The following NAA16 variants were observed in gnomAD, a reference collection of about 807,000 sequenced individuals.
NAA16 encodes NARG1-like protein.
A neutral mutation model predicts 110.3 loss-of-function variants in NAA16; 97 were observed. That is an observed-to-expected ratio of 0.88 (90% CI 0.75 to 1.04). NAA16 has a LOEUF of 1.04. NAA16 is among the 50% of genes least tolerant of loss of function. The pLI is 0.00. For missense variants in NAA16, 1,017 were observed against 1,005.1 expected, an observed-to-expected ratio of 1.01 and a Z score of -0.16; for synonymous variants, 372 against 330.6, an observed-to-expected ratio of 1.13 and a Z score of -1.36.
chr13:41,325,115 G>T (rs572050343), intron 5 of NAA16, among the ~76,000 whole-genome samples: 1 of 151,760 alleles, frequency 6.6e-6, no homozygotes, highest in Non-Finnish European at 1.5e-5. Context: ...GTGCCACCAC[G>T]CCAGGCTAAT....
intron 14 of NAA16, among the ~76,000 whole-genome samples, 170 bp downstream of exon 14, chr13:41,367,822 G>T (rs1396354685): frequency 6.6e-6 from 1 of 152,184 alleles, no homozygotes; most frequent in Non-Finnish European, 1.5e-5. Flanking sequence ...GTTAAAAAAA[G>T]TGGGATGATA....
intron 9 of NAA16, among the ~76,000 whole-genome samples, chr13:41,353,768 TACACACACACACAC>T (rs58020530): frequency 9.5e-5 from 14 of 146,744 alleles, no homozygotes; most frequent in Admixed American, 4.8e-4. Flanking sequence ...CCCTGTCTCT[TACACACACACACAC>T]ACACACACAC....
chr13:41,373,680 A>G lies in NAA16; in HGVS notation c.2199A>G (p.Leu733=), dbSNP rs369131555. 150 of 1,610,966 alleles carry G rather than the reference A, an allele frequency of 9.3e-5. No individual in the cohort carries two copies. The highest frequency in any genetic ancestry group is 1.2e-4 in the Non-Finnish European group (139 of 1,178,946). Residue 733 remains leucine (L), a synonymous_variant, in exon 18 of 20, where the codon CTA becomes CTG. Transcript: ENST00000379406. The stretch of plus-strand genomic sequence containing the variant: ...TTCCAGACATTGTGAGCAAAGTTCT[A>G]TCTCAAGAAATGCAGAAAATATTTG... The part of the protein sequence containing the change: ...SNLPDIVSKV[L]SQEMQKIFVK...
chr13:41,318,862 T>G lies in NAA16; in HGVS notation c.196T>G (p.Tyr66Asp). 1.2e-6 allele frequency: 2 copies of G among 1,605,250 alleles called. No homozygotes were observed. Among genetic ancestry groups the G allele is most frequent in the Non-Finnish European group, 8.5e-7 (1 of 1,175,936 alleles). Residue 66 changes from tyrosine to aspartate, a missense_variant, in exon 3 of 20, where the codon TAT becomes GAT. Transcript: ENST00000379406. ...LNCLGKKEEA[Y>D]EFVRKGLRND... The stretch of plus-strand genomic sequence containing the variant: ...CTGTTTAGGAAAAAAAGAAGAAGCT[T>G]ATGAGTTTGTTCGTAAAGGACTTCG...
Position 41,375,466 on chromosome 13 carries a change from A to G in NAA16, c.2459A>G (p.Tyr820Cys). ...AGCTTTGGGAACTGTAGTTCCCAAT[A>G]TGAAGAATATAGGATGGCCTGTCAT... Reference protein sequence around the residue: ...DGSFGNCSSQYEEYRMACHNL... With the variant: ...DGSFGNCSSQCEEYRMACHNL... Residue 820 changes from tyrosine (Y) to cysteine (C), a missense_variant, in exon 20 of 20, where the codon TAT becomes TGT. Physicochemically the swap from Tyr to Cys is radical, Grantham distance 194 (BLOSUM62 -2). Transcript: ENST00000379406. The G allele has an allele frequency of 1.9e-6, 3 of 1,613,976 alleles. No homozygotes were observed. The highest frequency in any genetic ancestry group is 2.5e-6 in the Non-Finnish European group (3 of 1,179,854).
chr13:41,363,484 C>G (rs978596015), intron 13 of NAA16, among the ~76,000 whole-genome samples: 2 of 152,126 alleles, frequency 1.3e-5, no homozygotes, highest in Admixed American at 6.5e-5. Context: ...TTTCTTCTAA[C>G]ATTGATGACT....
intron 1 of NAA16, among the ~76,000 whole-genome samples, chr13:41,312,485 C>T (rs1055210786): frequency 1.3e-5 from 2 of 149,746 alleles, no homozygotes; most frequent in African/African-American, 2.4e-5. Flanking sequence ...TCCTCAGTAT[C>T]CTCTGGCTAC....
At chr13:41,354,053 A>C (rs964065838) in intron 9 of NAA16, among the ~76,000 whole-genome samples, 3 of 152,122 alleles carry the variant, frequency 2.0e-5, no homozygotes, top group African/African-American at 7.2e-5. Context: ...AGTATGTGTA[A>C]ATTTTTTTCA....
intron 4 of NAA16, 116 bp downstream of exon 4, chr13:41,320,940 A>C: frequency 1.1e-6 from 1 of 894,098 alleles, no homozygotes; most frequent in Non-Finnish European, 1.6e-6. Context: ...TGTTCATTAG[A>C]AGGTGTATGT....
intron 2 of NAA16, among the ~76,000 whole-genome samples, chr13:41,317,967 GTTAA>G (rs1247860519): frequency 2.6e-5 from 4 of 152,210 alleles, no homozygotes; most frequent in African/African-American, 9.6e-5. Context: ...GTGAACTGAT[GTTAA>G]TTAGCCTAAG....
chr13:41,355,130 T>G lies in NAA16; in HGVS notation c.1015-14T>G. The G allele has an allele frequency of 6.7e-7, 1 of 1,486,480 alleles. No individual in the cohort carries two copies. Among genetic ancestry groups the G allele is most frequent in the East Asian group, 2.3e-5 (1 of 43,884 alleles). 92.1% of individuals were successfully genotyped at this position (1,486,480 alleles called of 1,614,324 possible). A position where few individuals can be genotyped will look rare whatever the true frequency, so the allele number is the denominator to read the frequency against. ...AAGATATTTTTAAATTTTAAAAATA[T>G]GTTTCTTTAACAGGTTTCTATAATC... On this transcript the variant is annotated splice_polypyrimidine_tract_variant and intron_variant, in intron 9 of 19. Transcript: ENST00000379406.
At position 41,351,505 on chromosome 13, in the gene NAA16, C is replaced by T. The variant is rs534056645; in HGVS notation, c.1015-3639C>T. Among the ~76,000 whole-genome samples, 7 of 152,168 alleles carry T rather than the reference C, an allele frequency of 4.6e-5. No homozygotes were observed. The South Asian group carries it at 1.5e-3, about 32-fold the overall frequency. On this transcript the variant is annotated intron_variant, in intron 9 of 19. Coordinates refer to ENST00000379406, the MANE Select transcript of NAA16 (RefSeq NM_024561.5). The stretch of plus-strand genomic sequence containing the variant: ...GTGACATTTTAAACCTGTGATTTGT[C>T]TCTTCATTGCGAAAAAAATGTGTAT...
intron 5 of NAA16, 83 bp from the exon 6 acceptor site, chr13:41,325,615 C>A: frequency 1.2e-6 from 1 of 823,620 alleles, no homozygotes; most frequent in Non-Finnish European, 1.8e-6. Context: ...GTGAATGACT[C>A]TCCTGAGAAG....
chr13:41,373,780 GGTTT>G lies in NAA16; in HGVS notation c.2299+7_2299+10del, dbSNP rs773685968. 1.9e-6 allele frequency: 3 copies of G among 1,591,870 alleles called. No individual in the cohort carries two copies. Among genetic ancestry groups the G allele is most frequent in the Non-Finnish European group, 2.6e-6 (3 of 1,173,076 alleles). ...TACCTCTCTTCAGCATCTACTTTCA[GGTTT>G]GTTTGTAGCCCCCAGGGTTAAAATA... On this transcript the variant is annotated splice_donor_variant and splice_donor_region_variant and intron_variant, in intron 18 of 19. Coordinates refer to ENST00000379406, the MANE Select transcript of NAA16 (RefSeq NM_024561.5). LOFTEE classifies it high-confidence loss of function.
chr13:41,369,829 C>A (rs2043281482), intron 15 of NAA16, among the ~76,000 whole-genome samples: 1 of 152,176 alleles, frequency 6.6e-6, no homozygotes, highest in Non-Finnish European at 1.5e-5. Flanking sequence ...CTTCGAATCT[C>A]CAAAGGAAAT....
rs564139392 is a variant in NAA16 at position 41,326,413 on chromosome 13, G to T, written c.691+562G>T. 1.4e-4 allele frequency among the ~76,000 whole-genome samples: 21 copies of T among 152,200 alleles called. No individual in the cohort carries two copies. The South Asian group carries it at 4.4e-3, about 32-fold the overall frequency. On this transcript the variant is annotated intron_variant, in intron 6 of 19. Coordinates refer to ENST00000379406, the MANE Select transcript of NAA16 (RefSeq NM_024561.5). Reference sequence around the variant, plus strand: ...AATGTCCAGCTAAAATAATAGTTTAGAACTAAAGTTCCATACAATTGTAGA... The same window carrying T: ...AATGTCCAGCTAAAATAATAGTTTATAACTAAAGTTCCATACAATTGTAGA...
At chr13:41,315,595 G>A (rs947532940) in intron 1 of NAA16, among the ~76,000 whole-genome samples, 1 of 152,012 alleles carries the variant, frequency 6.6e-6, no homozygotes, top group Admixed American at 6.6e-5. Flanking sequence ...TTAAAGAATT[G>A]GTATTAAGTA....
At chr13:41,329,190 A>G (rs1405905426) in intron 7 of NAA16, among the ~76,000 whole-genome samples, 2 of 152,076 alleles carry the variant, frequency 1.3e-5, no homozygotes, top group African/African-American at 4.8e-5. Context: ...GTAACTATTT[A>G]ATATTTTAAA....
At chr13:41,366,950 T>C (rs2043218964) in intron 13 of NAA16, among the ~76,000 whole-genome samples, 5 of 152,164 alleles carry the variant, frequency 3.3e-5, no homozygotes, top group Admixed American at 3.3e-4. Context: ...ATGTCTGCTA[T>C]GTATTAGGCC....
Sources: allele counts gnomAD v4.1 joint callset (sites outside exome capture counted in the v4.1 genomes callset), GRCh38; gene constraint gnomAD v4.1.1; transcripts MANE v1.5; gene names NCBI Gene and HGNC (gene_info 2026-07-23, HGNC 2026-07-21).